The following TNKS variants were observed in gnomAD, a reference collection of about 807,000 sequenced individuals.
The protein encoded by TNKS is poly [ADP-ribose] polymerase tankyrase-1.
In TNKS, 72 loss-of-function variants were observed where a neutral mutation model predicts 135.8. The observed-to-expected ratio is 0.53, with a 90% CI of 0.44 to 0.64. The LOEUF (loss-of-function observed/expected upper bound fraction) is 0.64. Among genes scored for constraint, TNKS ranks in the 30% least tolerant of loss-of-function variants. The probability of loss-of-function intolerance (pLI) is 0.00; values close to 1 mark genes in which losing one functional copy is unlikely to be tolerated. For synonymous variants in TNKS, 849 were observed against 649.3 expected, an observed-to-expected ratio of 1.31 and a Z score of -4.68; for missense variants, 1,769 against 1,674.0, an observed-to-expected ratio of 1.06 and a Z score of -0.99.
intron 13 of TNKS, among the ~76,000 whole-genome samples, chr8:9,729,535 A>C (rs1165374011): frequency 2.6e-5 from 4 of 152,120 alleles, no homozygotes; most frequent in Non-Finnish European, 5.9e-5. Flanking sequence ...GATAATTAGG[A>C]AAGTAAGCGA....
At chr8:9,674,927 T>G (rs1194991184) in intron 3 of TNKS, among the ~76,000 whole-genome samples, 1 of 152,200 alleles carries the variant, frequency 6.6e-6, no homozygotes, top group Non-Finnish European at 1.5e-5. Flanking sequence ...TCATAATGAG[T>G]AGAAATATCT....
intron 14 of TNKS, among the ~76,000 whole-genome samples, chr8:9,732,087 C>G (rs760790415): frequency 6.6e-6 from 1 of 152,092 alleles, no homozygotes; most frequent in Non-Finnish European, 1.5e-5. Flanking sequence ...TGCACCCAGC[C>G]CTATATGAAT....
intron 17 of TNKS, among the ~76,000 whole-genome samples, chr8:9,747,069 G>T (rs1360966135): frequency 6.6e-6 from 1 of 151,776 alleles, no homozygotes; most frequent in Non-Finnish European, 1.5e-5. Flanking sequence ...TTTTGGTAGG[G>T]ACGGGGTTTC....
At chr8:9,625,726 G>C (rs748565689) in intron 3 of TNKS, among the ~76,000 whole-genome samples, 2 of 152,052 alleles carry the variant, frequency 1.3e-5, no homozygotes, top group Non-Finnish European at 2.9e-5. Context: ...TTTCTAGTTT[G>C]ATTCCATTGT....
intron 23 of TNKS, 75 bp from the exon 24 acceptor site, chr8:9,765,617 G>T: frequency 7.7e-7 from 1 of 1,294,840 alleles, no homozygotes; most frequent in South Asian, 1.3e-5. Flanking sequence ...CTTCCTAAAA[G>T]GAAAACATAC....
At position 9,633,861 on chromosome 8, in the gene TNKS, G is replaced by C. The variant is rs1047923927; in HGVS notation, c.994+18184G>C. Reference sequence around the variant, plus strand: ...GATTTTCCAGCCGCATTTAAGCCTTGAGATGAGATATGATAGTCCCCATGT... The same window carrying C: ...GATTTTCCAGCCGCATTTAAGCCTTCAGATGAGATATGATAGTCCCCATGT... On this transcript the variant is annotated intron_variant, in intron 3 of 26. Coordinates refer to ENST00000310430, the MANE Select transcript of TNKS (RefSeq NM_003747.3). Among the ~76,000 whole-genome samples the C allele has an allele frequency of 2.6e-5, 4 of 152,230 alleles. No homozygotes were observed. The East Asian group carries it at 7.7e-4, about 29-fold the overall frequency.
chr8:9,601,219 G>C (rs1799004600), intron 2 of TNKS, among the ~76,000 whole-genome samples: 1 of 152,130 alleles, frequency 6.6e-6, no homozygotes, highest in Non-Finnish European at 1.5e-5. Context: ...CTGTTGTTAA[G>C]GTAGCTGAAG....
At chr8:9,645,548 G>A (rs766416261) in intron 3 of TNKS, among the ~76,000 whole-genome samples, 2 of 152,040 alleles carry the variant, frequency 1.3e-5, no homozygotes, top group African/African-American at 4.8e-5. Flanking sequence ...AGTGAGGCGA[G>A]GATTTTAAAA....
chr8:9,774,603 C>T, intron 26 of TNKS, among the ~76,000 whole-genome samples: 1 of 152,260 alleles, frequency 6.6e-6, no homozygotes, highest in East Asian at 1.9e-4. Flanking sequence ...TCAGTAATTC[C>T]CTTACCCTTA....
chr8:9,624,727 G>A (rs1366924869), intron 3 of TNKS, among the ~76,000 whole-genome samples: 1 of 152,090 alleles, frequency 6.6e-6, no homozygotes, highest in Non-Finnish European at 1.5e-5. Context: ...ACTGTAATGT[G>A]TTAGTAATAC....
At chr8:9,745,866 A>G (rs1372280134) in intron 17 of TNKS, among the ~76,000 whole-genome samples, 1 of 152,214 alleles carries the variant, frequency 6.6e-6, no homozygotes, top group African/African-American at 2.4e-5. Context: ...AGATATTTAT[A>G]TTACATAAAG....
chr8:9,686,580 G>T (rs766515190), intron 5 of TNKS, among the ~76,000 whole-genome samples: 5 of 152,160 alleles, frequency 3.3e-5, no homozygotes, highest in Admixed American at 3.3e-4. Flanking sequence ...TACTGAAAAT[G>T]ATTCGTTGAT....
Position 9,615,638 on chromosome 8 carries a change from C to G in TNKS, c.955C>G (p.Leu319Val). ...TCGGAACACTGATGGGAAATCAGCC[C>G]TGGACCTGGCAGATCCTTCAGCAAA... ...NIRNTDGKSALDLADPSAKAV... is the reference protein window; with the variant it reads ...NIRNTDGKSAVDLADPSAKAV... Residue 319 changes from leucine (L) to valine (V), a missense_variant, in exon 3 of 27, where the codon CTG becomes GTG. Leu to Val is a conservative substitution (Grantham distance 32). Transcript: ENST00000310430. 1 of 1,613,556 alleles carries G rather than the reference C, an allele frequency of 6.2e-7. No homozygotes were observed. Among genetic ancestry groups the G allele is most frequent in the South Asian group, 1.1e-5 (1 of 90,892 alleles).
At chr8:9,599,091 C>A (rs1308202800) in intron 2 of TNKS, among the ~76,000 whole-genome samples, 1 of 151,836 alleles carries the variant, frequency 6.6e-6, no homozygotes, top group Non-Finnish European at 1.5e-5. Flanking sequence ...TTGCTTTATT[C>A]CTTATGGACA....
intron 13 of TNKS, 117 bp downstream of exon 13, chr8:9,726,837 A>G: frequency 1.2e-6 from 1 of 814,980 alleles, no homozygotes; most frequent in Non-Finnish European, 2.0e-6. Context: ...GAACAGAGTC[A>G]TGGGCAGGAA....
At chr8:9,751,502 A>C (rs1806529613) in intron 18 of TNKS, 107 bp from the exon 19 acceptor site, 2 of 924,124 alleles carry the variant, frequency 2.2e-6, no homozygotes, top group Admixed American at 4.6e-5. Context: ...GGTGATAATG[A>C]GGCATTCATT....
chr8:9,760,941 C>G (rs941754036), intron 20 of TNKS, among the ~76,000 whole-genome samples: 1 of 152,192 alleles, frequency 6.6e-6, no homozygotes, highest in Admixed American at 6.5e-5. Flanking sequence ...AATGTAGCCT[C>G]TTTAAAACAG....
intron 3 of TNKS, among the ~76,000 whole-genome samples, chr8:9,664,970 T>G (rs1272513518): frequency 6.6e-6 from 1 of 152,208 alleles, no homozygotes. Context: ...TTCTATGCAT[T>G]AAGCCAAATA....
Position 9,556,112 on chromosome 8 carries a change from C to G in TNKS, c.173C>G (p.Ser58Cys), listed in dbSNP as rs1815278595. The G allele has an allele frequency of 1.9e-6, 3 of 1,600,796 alleles. No individual in the cohort carries two copies. The African/African-American group carries it at 4.0e-5, about 21-fold the overall frequency. The stretch of plus-strand genomic sequence containing the variant: ...GCCAGCGGCCTGGCCCCCTTCGCCT[C>G]CCCGCGGCACGGCCTAGCGCTGCCG... ...PTASGLAPFA[S>C]PRHGLALPEG... The change falls in exon 1 of 27, where the codon TCC becomes TGC. Residue 58 changes from serine to cysteine, a missense_variant. Ser to Cys is a moderately radical substitution (Grantham distance 112, BLOSUM62 -1). Transcript: ENST00000310430.
Sources: allele counts gnomAD v4.1 joint callset (sites outside exome capture counted in the v4.1 genomes callset), GRCh38; gene constraint gnomAD v4.1.1; transcripts MANE v1.5; gene names NCBI Gene and HGNC (gene_info 2026-07-23, HGNC 2026-07-21).